Variants in SLIT3 observed in about 807,000 individuals in gnomAD.
SLIT3 encodes slit homolog 3 protein.
SLIT3 carries 68 observed loss-of-function variants against 184.0 expected under a neutral mutation model. The ratio of observed to expected loss-of-function variants is 0.37; its 90% CI spans 0.30 to 0.45. SLIT3 has a LOEUF of 0.45. Ranked by LOEUF, SLIT3 falls within the 20% of genes least tolerant of loss-of-function variation. SLIT3 has a pLI of 1.00. For missense variants in SLIT3, 1,707 were observed against 2,026.0 expected (o/e 0.84, Z 3.02); for synonymous variants, 831 against 828.6 (o/e 1.00, Z -0.05).
At chr5:168,765,423 A>T in intron 14 of SLIT3, among the ~76,000 whole-genome samples, 1 of 152,120 alleles carries the variant, frequency 6.6e-6, no homozygotes, top group East Asian at 1.9e-4. Context: ...AGGGGGTCGG[A>T]ATGTGATATT....
chr5:169,259,846 G>A (rs1766104357), intron 1 of SLIT3, among the ~76,000 whole-genome samples: 1 of 138,708 alleles, frequency 7.2e-6, no homozygotes, highest in African/African-American at 3.2e-5. Context: ...TGTTTTCAAG[G>A]AGCCTGGAGT....
At chr5:169,147,545 C>T (rs1411318034) in intron 4 of SLIT3, among the ~76,000 whole-genome samples, 1 of 152,208 alleles carries the variant, frequency 6.6e-6, no homozygotes, top group African/African-American at 2.4e-5. Context: ...AGTCATGAGC[C>T]ACCACGCCTG....
chr5:168,745,452 C>A (rs577817004), intron 20 of SLIT3, among the ~76,000 whole-genome samples: 27 of 151,688 alleles, frequency 1.8e-4, no homozygotes, highest in Admixed American at 5.9e-4. Context: ...CACTTTATTG[C>A]CCAAGCTGGA....
chr5:169,157,255 G>A (rs1367802258), intron 4 of SLIT3, among the ~76,000 whole-genome samples: 4 of 152,164 alleles, frequency 2.6e-5, no homozygotes, highest in Non-Finnish European at 5.9e-5. Context: ...CCTCCCCTGT[G>A]ACATAATTGT....
At position 168,954,918 on chromosome 5, in the gene SLIT3, G is replaced by A. The variant is rs116588250; in HGVS notation, c.414-71582C>T. ...TTTAATGGTGAAAACTTTAAGAAAC[G>A]TGTCTATGTGTCAGATTTAGCCTTA... On this transcript the variant is annotated intron_variant, in intron 4 of 35. Coordinates refer to ENST00000519560, the MANE Select transcript of SLIT3 (RefSeq NM_003062.4). Among the ~76,000 whole-genome samples, 854 of 152,290 alleles carry A rather than the reference G, an allele frequency of 5.6e-3. 4 individuals are homozygous for A. The highest frequency in any genetic ancestry group is 0.019 in the African/African-American group (809 of 41,550).
At chr5:168,906,601 A>T (rs1211975657) in intron 4 of SLIT3, among the ~76,000 whole-genome samples, 1 of 152,214 alleles carries the variant, frequency 6.6e-6, no homozygotes, top group Non-Finnish European at 1.5e-5. Context: ...CTACGTGGAT[A>T]AGTGGCCTTG....
intron 4 of SLIT3, among the ~76,000 whole-genome samples, chr5:169,148,362 A>G (rs1161771040): frequency 6.6e-6 from 1 of 152,250 alleles, no homozygotes; most frequent in Non-Finnish European, 1.5e-5. Context: ...AAGAGGAAAT[A>G]AAAATGAATG....
chr5:168,671,983 T>A (rs1205186375), intron 33 of SLIT3, among the ~76,000 whole-genome samples: 4 of 152,128 alleles, frequency 2.6e-5, no homozygotes, highest in African/African-American at 7.2e-5. Context: ...GGGTTCAGGG[T>A]TTTTAGACCA....
Position 168,770,997 on chromosome 5 carries a change from C to T in SLIT3, c.1459+1784G>A, listed in dbSNP as rs577893792. 2.7e-4 allele frequency among the ~76,000 whole-genome samples: 41 copies of T among 152,100 alleles called. No homozygotes were observed. The South Asian group carries it at 6.9e-3, about 25-fold the overall frequency. On this transcript the variant is annotated intron_variant, in intron 14 of 35. Coordinates refer to ENST00000519560, the MANE Select transcript of SLIT3 (RefSeq NM_003062.4). ...CCTGCACTCTTTCCCTGCTGTGCCACGCAGGGCCGCCACATCCATTTGGGG... is the reference window on the plus strand; with the variant it reads ...CCTGCACTCTTTCCCTGCTGTGCCATGCAGGGCCGCCACATCCATTTGGGG...
intron 23 of SLIT3, among the ~76,000 whole-genome samples, chr5:168,715,420 A>G (rs1000739637): frequency 3.9e-5 from 6 of 152,130 alleles, no homozygotes; most frequent in Non-Finnish European, 8.8e-5. Flanking sequence ...CCTATGGCTC[A>G]GGTCTGGCCA....
intron 4 of SLIT3, among the ~76,000 whole-genome samples, chr5:169,147,066 T>C (rs983161307): frequency 2.6e-5 from 4 of 152,222 alleles, no homozygotes; most frequent in Admixed American, 1.3e-4. Context: ...ACTGGATTGA[T>C]AGCTCCTTGA....
At chr5:169,164,507 C>G (rs1055195050) in intron 4 of SLIT3, among the ~76,000 whole-genome samples, 4 of 152,136 alleles carry the variant, frequency 2.6e-5, no homozygotes, top group Non-Finnish European at 4.4e-5. Flanking sequence ...TTACTCAGCC[C>G]CAAAGTATAT....
chr5:168,795,656 G>A, intron 9 of SLIT3, 78 bp from the exon 10 acceptor site: 1 of 1,179,118 alleles, frequency 8.5e-7, no homozygotes, highest in Non-Finnish European at 1.3e-6. Context: ...TGTGTTCTCT[G>A]GCCTTAAGGA....
chr5:168,930,756 C>A (rs1470076265), intron 4 of SLIT3, among the ~76,000 whole-genome samples: 1 of 151,956 alleles, frequency 6.6e-6, no homozygotes, highest in Non-Finnish European at 1.5e-5. Flanking sequence ...TGGCTCAGTT[C>A]ACATGAGAAG....
intron 9 of SLIT3, 21 bp from the exon 10 acceptor site, chr5:168,795,599 G>C (rs1444203668): frequency 1.3e-6 from 2 of 1,599,654 alleles, no homozygotes; most frequent in Admixed American, 1.7e-5. Context: ...GAGCAGAGAA[G>C]AGTGAATTAA....
At chr5:168,960,041 G>C (rs974225903) in intron 4 of SLIT3, among the ~76,000 whole-genome samples, 9 of 152,198 alleles carry the variant, frequency 5.9e-5, no homozygotes. Flanking sequence ...CCAGAGTCCT[G>C]AATTTTAGCC....
chr5:169,136,418 C>G (rs1761503962), intron 4 of SLIT3, among the ~76,000 whole-genome samples: 1 of 152,204 alleles, frequency 6.6e-6, no homozygotes, highest in South Asian at 2.1e-4. Context: ...ACTCCTGCCA[C>G]TAAGCACAGC....
intron 4 of SLIT3, chr5:169,012,025 A>C (rs1047396386): frequency 6.0e-5 from 9 of 150,622 alleles, no homozygotes; most frequent in Non-Finnish European, 1.2e-4. Flanking sequence ...TTATAACTTG[A>C]TATGTTATAA....
intron 4 of SLIT3, among the ~76,000 whole-genome samples, chr5:169,049,292 A>G (rs766539571): frequency 6.6e-6 from 1 of 152,094 alleles, no homozygotes; most frequent in African/African-American, 2.4e-5. Flanking sequence ...GTAATTCACT[A>G]TGTTCGACGT....
Sources: allele counts gnomAD v4.1 joint callset (sites outside exome capture counted in the v4.1 genomes callset), GRCh38; gene constraint gnomAD v4.1.1; transcripts MANE v1.5; gene names NCBI Gene and HGNC (gene_info 2026-07-23, HGNC 2026-07-21).